The following EPHB2 variants were observed in gnomAD, a reference collection of about 807,000 sequenced individuals.
EPHB2 encodes ephrin type-B receptor 2.
In EPHB2, 18 loss-of-function variants were observed where a neutral mutation model predicts 96.4. The ratio of observed to expected loss-of-function variants is 0.19; its 90% CI spans 0.13 to 0.28. EPHB2 has a LOEUF of 0.28. Among genes scored for constraint, EPHB2 ranks in the 10% least tolerant of loss-of-function variants. The pLI, the probability that EPHB2 is intolerant of heterozygous loss-of-function variation, is 1.00. For synonymous variants in EPHB2, 506 were observed against 534.1 expected, an observed-to-expected ratio of 0.95 and a Z score of 0.72; for missense variants, 989 against 1,355.4, an observed-to-expected ratio of 0.73 and a Z score of 4.25.
chr1:22,877,365 C>T (rs1001073397), intron 5 of EPHB2, among the ~76,000 whole-genome samples: 4 of 152,214 alleles, frequency 2.6e-5, no homozygotes, highest in Non-Finnish European at 5.9e-5. Flanking sequence ...ATGTGGTTTG[C>T]TGTTAGCTGC....
intron 5 of EPHB2, among the ~76,000 whole-genome samples, chr1:22,878,240 C>G (rs1462949168): frequency 6.6e-6 from 1 of 152,212 alleles, no homozygotes; most frequent in Non-Finnish European, 1.5e-5. Flanking sequence ...TGCTGAACTC[C>G]CAGGGAGAAG....
intron 13 of EPHB2, among the ~76,000 whole-genome samples, chr1:22,910,076 A>T (rs1640045317): frequency 6.6e-6 from 1 of 151,986 alleles, no homozygotes; most frequent in Admixed American, 6.6e-5. Flanking sequence ...GGATGGGAGG[A>T]GCTGGTGGAA....
intron 3 of EPHB2, among the ~76,000 whole-genome samples, chr1:22,845,828 T>C (rs1053813481): frequency 1.2e-4 from 18 of 152,170 alleles, no homozygotes; most frequent in African/African-American, 4.1e-4. Context: ...TTAAAGGTGA[T>C]TGCTCTAAAT....
chr1:22,797,323 G>A (rs1041656607), intron 3 of EPHB2, among the ~76,000 whole-genome samples: 3 of 152,192 alleles, frequency 2.0e-5, no homozygotes, highest in African/African-American at 4.8e-5. Context: ...AGACATGGAC[G>A]TAATGTCCCA....
At chr1:22,763,398 G>A (rs933093217) in intron 1 of EPHB2, among the ~76,000 whole-genome samples, 1 of 152,104 alleles carries the variant, frequency 6.6e-6, no homozygotes, top group Non-Finnish European at 1.5e-5. Context: ...ACAGAAACTT[G>A]CTGGGCCCAC....
At chr1:22,726,330 C>A (rs1261128895) in intron 1 of EPHB2, among the ~76,000 whole-genome samples, 4 of 152,134 alleles carry the variant, frequency 2.6e-5, no homozygotes, top group African/African-American at 9.7e-5. Flanking sequence ...CCGTTAAGTC[C>A]CCACTAAGTG....
intron 1 of EPHB2, among the ~76,000 whole-genome samples, chr1:22,754,824 G>A (rs1210603844): frequency 3.7e-4 from 21 of 56,162 alleles, no homozygotes; most frequent in Middle Eastern, 9.1e-3. Context: ...GGGAAGGGAG[G>A]TGAGGGGCAG....
At chr1:22,797,251 A>G (rs1181787497) in intron 3 of EPHB2, among the ~76,000 whole-genome samples, 1 of 152,104 alleles carries the variant, frequency 6.6e-6, no homozygotes, top group Non-Finnish European at 1.5e-5. Flanking sequence ...CGTCCCCTTC[A>G]TTCCACTAAA....
At chr1:22,905,234 A>T (rs1428164897) in intron 9 of EPHB2, among the ~76,000 whole-genome samples, 1 of 152,206 alleles carries the variant, frequency 6.6e-6, no homozygotes, top group South Asian at 2.1e-4. Flanking sequence ...GGAGAACAAA[A>T]AATAATAATA....
intron 1 of EPHB2, among the ~76,000 whole-genome samples, chr1:22,764,133 G>A (rs996377856): frequency 6.6e-6 from 1 of 152,184 alleles, no homozygotes; most frequent in African/African-American, 2.4e-5. Flanking sequence ...CATCTCTTGG[G>A]GGACATTATT....
In EPHB2 at chr1:22,906,853, G is replaced by T. The variant is rs28936395; in HGVS notation, c.2032G>T (p.Asp678Tyr). The T allele has an allele frequency of 1.2e-6, 2 of 1,614,052 alleles. No individual in the cohort carries two copies. Among genetic ancestry groups the T allele is most frequent in the Non-Finnish European group, 1.7e-6 (2 of 1,180,042 alleles). ...CGAAGCCTCCATCATGGGCCAGTTC[G>T]ACCATCCCAACGTCATCCACCTGGA... Reference protein sequence around the residue: ...LSEASIMGQFDHPNVIHLEGV... With the variant: ...LSEASIMGQFYHPNVIHLEGV... The change falls in exon 11 of 16, where the codon GAC (aspartate) becomes TAC (tyrosine). Residue 678 changes from aspartate to tyrosine, a missense_variant. Coordinates refer to ENST00000374630, the MANE Select transcript of EPHB2 (RefSeq NM_017449.5). This position sits in a 1 kb window ranked among gnomAD's most constrained non-coding sequence, Gnocchi z 4.8.
At chr1:22,895,194 T>C (rs890691113) in intron 7 of EPHB2, among the ~76,000 whole-genome samples, 1 of 152,210 alleles carries the variant, frequency 6.6e-6, no homozygotes, top group Non-Finnish European at 1.5e-5. Flanking sequence ...TGTCAGCTGT[T>C]ATTATTGTTG....
intron 6 of EPHB2, among the ~76,000 whole-genome samples, chr1:22,883,857 C>T (rs1639131568): frequency 6.6e-6 from 1 of 152,208 alleles, no homozygotes; most frequent in African/African-American, 2.4e-5. Flanking sequence ...CCCCGGCATC[C>T]AGGCCTGGCA....
intron 3 of EPHB2, among the ~76,000 whole-genome samples, chr1:22,791,799 G>A (rs1644697120): frequency 6.6e-6 from 1 of 152,130 alleles, no homozygotes; most frequent in South Asian, 2.1e-4. Flanking sequence ...ATGCTGGGGT[G>A]AGCCTCATTG....
intron 1 of EPHB2, among the ~76,000 whole-genome samples, chr1:22,728,389 A>G (rs1447615246): frequency 6.6e-6 from 1 of 152,192 alleles, no homozygotes; most frequent in Non-Finnish European, 1.5e-5. Context: ...AGAGGAGGAA[A>G]CTGAGCCTCA....
At chr1:22,882,810 C>G (rs956289550) in intron 6 of EPHB2, 2 of 355,372 alleles carry the variant, frequency 5.6e-6, no homozygotes, top group African/African-American at 4.2e-5. Flanking sequence ...TTGGGAAAAA[C>G]TGGGTTTCCA....
At chr1:22,718,463 G>A (rs1239252608) in intron 1 of EPHB2, among the ~76,000 whole-genome samples, 1 of 142,254 alleles carries the variant, frequency 7.0e-6, no homozygotes, top group East Asian at 2.0e-4. Context: ...TCGGCTCACT[G>A]CAACCTCTGC....
chr1:22,873,998 A>T (rs1638756869), intron 5 of EPHB2, among the ~76,000 whole-genome samples: 1 of 152,172 alleles, frequency 6.6e-6, no homozygotes, highest in African/African-American at 2.4e-5. Flanking sequence ...TTTTACAGGT[A>T]AGGAACCCAG....
chr1:22,816,472 C>T (rs533445235), intron 3 of EPHB2, among the ~76,000 whole-genome samples: 2 of 152,330 alleles, frequency 1.3e-5, no homozygotes, highest in Admixed American at 1.3e-4. Flanking sequence ...TCCCCCATCC[C>T]CACCCACCAG....
Sources: gnomAD v4.1 joint callset for allele counts (sites outside exome capture counted in the v4.1 genomes callset) on GRCh38, gnomAD v4.1.1 for gene constraint, Gnocchi (gnomAD v3.1) non-coding constraint, MANE v1.5 for transcripts, NCBI Gene and HGNC (gene_info 2026-07-23, HGNC 2026-07-21) for gene names.